Variants in CFAP61 observed in about 807,000 individuals in gnomAD.
CFAP61 encodes the protein cilia- and flagella-associated protein 61.
In CFAP61, 107 loss-of-function variants were observed where a neutral mutation model predicts 135.6. That is an observed-to-expected ratio of 0.79 (90% CI 0.67 to 0.93). CFAP61 has a LOEUF of 0.93. Ranked by LOEUF, CFAP61 falls within the 40% of genes least tolerant of loss-of-function variation. The pLI, the probability that CFAP61 is intolerant of heterozygous loss-of-function variation, is 0.00. For synonymous variants in CFAP61, 575 were observed against 578.5 expected (o/e 0.99, Z 0.09); for missense variants, 1,507 against 1,556.2 (o/e 0.97, Z 0.53).
At chr20:20,317,520 T>A (rs1303823342) in intron 25 of CFAP61, among the ~76,000 whole-genome samples, 1 of 152,204 alleles carries the variant, frequency 6.6e-6, no homozygotes, top group East Asian at 1.9e-4. Context: ...ATACTTTTTG[T>A]CACCTTCTTC....
At chr20:20,162,485 C>G (rs2053484972) in intron 10 of CFAP61, among the ~76,000 whole-genome samples, 1 of 152,182 alleles carries the variant, frequency 6.6e-6, no homozygotes, top group African/African-American at 2.4e-5. Flanking sequence ...TCTGCCTGAT[C>G]ACCCCATGAA....
At chr20:20,305,571 G>A (rs2056423176) in intron 25 of CFAP61, among the ~76,000 whole-genome samples, 2 of 152,034 alleles carry the variant, frequency 1.3e-5, no homozygotes, top group African/African-American at 4.8e-5. Flanking sequence ...CCCAATATCC[G>A]CCTCATCCCT....
In CFAP61 at chr20:20,341,238, G is replaced by T. The variant is rs566939347; in HGVS notation, c.3423-593G>T. On this transcript the variant is annotated intron_variant, in intron 25 of 26. Transcript: ENST00000245957. ...TTCCAAAAATGCATCAAATTTTCCA[G>T]TTAAATAAAGGATAATCTTATTGTT... Among the ~76,000 whole-genome samples the T allele has an allele frequency of 3.9e-5, 6 of 152,246 alleles. No individual in the cohort carries two copies. In the South Asian group the frequency reaches 1.2e-3, roughly 32 times the overall value.
At chr20:20,129,079 G>T (rs1323817187) in intron 8 of CFAP61, among the ~76,000 whole-genome samples, 1 of 151,562 alleles carries the variant, frequency 6.6e-6, no homozygotes, top group Non-Finnish European at 1.5e-5. Context: ...TCATACTAGA[G>T]TTATGAATAG....
intron 25 of CFAP61, among the ~76,000 whole-genome samples, chr20:20,303,726 C>G (rs907101028): frequency 1.3e-5 from 2 of 152,174 alleles, no homozygotes; most frequent in Non-Finnish European, 2.9e-5. Flanking sequence ...CAACGTCCCT[C>G]GTTCAGACCA....
At position 20,142,867 on chromosome 20, in the gene CFAP61, C is replaced by G; in HGVS notation, c.870C>G (p.Leu290=). The change falls in exon 9 of 27, where the codon CTC becomes CTG. Residue 290 remains leucine (L), a synonymous_variant. Coordinates refer to ENST00000245957, the MANE Select transcript of CFAP61 (RefSeq NM_015585.4). ...LSVRRSQDAE[L]RSSSQGSQKI... is the part of the protein sequence containing the mutation. ...TCCCTTCTCTCAAAGATGCTGAGCT[C>G]AGGAGTAGCAGCCAAGGTTCCCAAA... The G allele has an allele frequency of 6.3e-7, 1 of 1,599,086 alleles. No homozygotes were observed. Among genetic ancestry groups the G allele is most frequent in the African/African-American group, 1.3e-5 (1 of 74,774 alleles).
intron 25 of CFAP61, among the ~76,000 whole-genome samples, chr20:20,337,385 G>A (rs2058252273): frequency 7.1e-6 from 1 of 141,052 alleles, no homozygotes; most frequent in African/African-American, 2.6e-5. Context: ...TGGATGGATG[G>A]ATGGATGGAT....
chr20:20,181,193 ATG>A (rs1455607566), intron 13 of CFAP61, among the ~76,000 whole-genome samples: 4 of 138,308 alleles, frequency 2.9e-5, no homozygotes, highest in Admixed American at 1.5e-4. Context: ...ATGCATATAT[ATG>A]TATATATATG....
In CFAP61 at chr20:20,266,718, G is replaced by A. The variant is rs192217990; in HGVS notation, c.2503+3588G>A. The stretch of plus-strand genomic sequence containing the variant: ...GTTAAGCTCCTCCTCACGAATAACA[G>A]ACATTTATAAAGTCAGTCTAGCTCA... On this transcript the variant is annotated intron_variant, in intron 21 of 26. Coordinates refer to ENST00000245957, the MANE Select transcript of CFAP61 (RefSeq NM_015585.4). Among the ~76,000 whole-genome samples the A allele has an allele frequency of 4.8e-4, 73 of 152,304 alleles. 2 individuals are homozygous for A. The South Asian group carries it at 0.015, about 30-fold the overall frequency.
intron 20 of CFAP61, among the ~76,000 whole-genome samples, chr20:20,254,360 T>C (rs1373690808): frequency 6.6e-6 from 1 of 151,976 alleles, no homozygotes; most frequent in African/African-American, 2.4e-5. Context: ...CTTGTCTTCC[T>C]GTCACCTGCC....
At chr20:20,154,945 A>G (rs1411106392) in intron 9 of CFAP61, among the ~76,000 whole-genome samples, 1 of 152,158 alleles carries the variant, frequency 6.6e-6, no homozygotes. Flanking sequence ...ATATGGAGCC[A>G]TAAAAGAGCC....
chr20:20,203,227 G>A lies in CFAP61; in HGVS notation c.1932+3325G>A, dbSNP rs1407058956. Among the ~76,000 whole-genome samples, 4 of 152,222 alleles carry A rather than the reference G, an allele frequency of 2.6e-5. No homozygotes were observed. In the East Asian group the frequency reaches 7.7e-4, roughly 29 times the overall value. ...TTTTCATCACACATTTCAGAATCAGGCCTCAAAGATTCATAGTAATGTCTC... is the reference window on the plus strand; with the variant it reads ...TTTTCATCACACATTTCAGAATCAGACCTCAAAGATTCATAGTAATGTCTC... On this transcript the variant is annotated intron_variant, in intron 17 of 26. Coordinates refer to ENST00000245957, the MANE Select transcript of CFAP61 (RefSeq NM_015585.4).
At chr20:20,076,649 T>G (rs1425094174) in intron 6 of CFAP61, among the ~76,000 whole-genome samples, 1 of 152,236 alleles carries the variant, frequency 6.6e-6, no homozygotes, top group Non-Finnish European at 1.5e-5. Flanking sequence ...AAATTGTATC[T>G]TTTGGGATCA....
chr20:20,056,187 C>G (rs2044320340), intron 1 of CFAP61: 1 of 582,970 alleles, frequency 1.7e-6, no homozygotes, highest in Non-Finnish European at 3.0e-6. Flanking sequence ...AAATATGTCT[C>G]AAGACTGCTG....
intron 25 of CFAP61, among the ~76,000 whole-genome samples, chr20:20,328,889 G>A (rs1056389363): frequency 2.0e-5 from 3 of 152,160 alleles, no homozygotes; most frequent in South Asian, 2.1e-4. Context: ...GCTAACAAGC[G>A]TTGTCGGGGT....
chr20:20,193,806 G>A (rs912130234), intron 15 of CFAP61, among the ~76,000 whole-genome samples: 4 of 152,046 alleles, frequency 2.6e-5, no homozygotes, highest in African/African-American at 9.7e-5. Context: ...TAGAGATGGG[G>A]TTTCACCATG....
At chr20:20,226,991 C>A (rs778338824) in intron 17 of CFAP61, among the ~76,000 whole-genome samples, 18 of 152,210 alleles carry the variant, frequency 1.2e-4, no homozygotes, top group Non-Finnish European at 2.5e-4. Flanking sequence ...TTTTAAATTT[C>A]TATCAATATA....
chr20:20,232,244 T>C (rs930993524), intron 18 of CFAP61, among the ~76,000 whole-genome samples: 1 of 152,186 alleles, frequency 6.6e-6, no homozygotes, highest in Non-Finnish European at 1.5e-5. Flanking sequence ...ATCTGTAAAG[T>C]GAACTCACTA....
chr20:20,183,728 TTA>T (rs1601246736), intron 13 of CFAP61, among the ~76,000 whole-genome samples: 1 of 152,348 alleles, frequency 6.6e-6, no homozygotes, highest in African/African-American at 2.4e-5. Flanking sequence ...ATGAGATACT[TTA>T]TGTTACTTTT....
Sources: allele counts gnomAD v4.1 joint callset (sites outside exome capture counted in the v4.1 genomes callset), GRCh38; gene constraint gnomAD v4.1.1; transcripts MANE v1.5; gene names NCBI Gene and HGNC (gene_info 2026-07-23, HGNC 2026-07-21).